Variants in CFAP299 observed in about 807,000 individuals in gnomAD.
CFAP299 encodes the protein cilia- and flagella-associated protein 299.
A neutral mutation model predicts 27.0 loss-of-function variants in CFAP299; 21 were observed. That is an observed-to-expected ratio of 0.78 (90% CI 0.55 to 1.12). The LOEUF (loss-of-function observed/expected upper bound fraction) is 1.12, where lower values mean the gene tolerates loss of function less well. Ranked by LOEUF, CFAP299 falls within the 50% of genes most tolerant of loss-of-function variation. The pLI, the probability that CFAP299 is intolerant of heterozygous loss-of-function variation, is 0.00. For synonymous variants in CFAP299, 104 were observed against 98.1 expected (o/e 1.06, Z -0.36); for missense variants, 310 against 276.6 (o/e 1.12, Z -0.86).
At position 80,785,140 on chromosome 4, in the gene CFAP299, GTT is replaced by G. The variant is rs34318898; in HGVS notation, c.334-84840_334-84839del. ...CAATGTCAAGGAGCTCTTCCTCTAT[GTT>G]TTTTTTTTTTTTAGGAGTTTTATGG... On this transcript the variant is annotated intron_variant, in intron 3 of 5. Coordinates refer to ENST00000358105, the MANE Select transcript of CFAP299 (RefSeq NM_152770.3). Among the ~76,000 whole-genome samples, 1,028 of 133,818 alleles carry G rather than the reference GTT, an allele frequency of 7.7e-3. 3 individuals carry two copies. Among genetic ancestry groups the G allele is most frequent in the Middle Eastern group, 0.012 (3 of 256 alleles). 87.8% of individuals were successfully genotyped at this position (133,818 alleles called of 152,430 possible).
chr4:80,866,095 A>ATATATATATATATC (rs1243634550), intron 3 of CFAP299, among the ~76,000 whole-genome samples: 1 of 126,492 alleles, frequency 7.9e-6, no homozygotes, highest in Non-Finnish European at 1.7e-5. Flanking sequence ...ATATATATAT[A>ATATATATATATATC]TCTTCCCAAA....
At chr4:80,700,777 T>C (rs1440805527) in intron 3 of CFAP299, among the ~76,000 whole-genome samples, 1 of 152,020 alleles carries the variant, frequency 6.6e-6, no homozygotes, top group Non-Finnish European at 1.5e-5. Flanking sequence ...TTAAAAATAA[T>C]TTTTAAAAAT....
At chr4:80,656,419 CT>C (rs1740558140) in intron 3 of CFAP299, among the ~76,000 whole-genome samples, 1 of 152,040 alleles carries the variant, frequency 6.6e-6, no homozygotes, top group Non-Finnish European at 1.5e-5. Context: ...TGTTCCCCTC[CT>C]TGTGTCCGTG....
At chr4:80,889,962 A>C (rs189353322) in intron 4 of CFAP299, among the ~76,000 whole-genome samples, 47 of 152,278 alleles carry the variant, frequency 3.1e-4, no homozygotes, top group African/African-American at 1.1e-3. Context: ...CTAGGAATAG[A>C]ATGAACATAC....
chr4:80,629,872 A>G (rs1249376325), intron 3 of CFAP299, among the ~76,000 whole-genome samples: 3 of 81,336 alleles, frequency 3.7e-5, no homozygotes, highest in South Asian at 3.5e-4. Flanking sequence ...CTGTATCTGG[A>G]AAAAAAAAAA....
intron 2 of CFAP299, among the ~76,000 whole-genome samples, chr4:80,439,421 C>T (rs148750507): frequency 5.3e-5 from 8 of 152,318 alleles, no homozygotes; most frequent in Middle Eastern, 3.4e-3. Context: ...GGTAGGGCGT[C>T]ACCTCACCCG....
chr4:80,506,574 T>A (rs947181898), intron 2 of CFAP299, among the ~76,000 whole-genome samples: 10 of 152,322 alleles, frequency 6.6e-5, no homozygotes, highest in Admixed American at 2.0e-4. Context: ...TCTGTCATTT[T>A]AATTAGTTGT....
At chr4:80,642,558 GA>G (rs1169904870) in intron 3 of CFAP299, among the ~76,000 whole-genome samples, 1 of 152,136 alleles carries the variant, frequency 6.6e-6, no homozygotes, top group Non-Finnish European at 1.5e-5. Context: ...GAGGTCAAGA[GA>G]TTGAGACAAT....
intron 4 of CFAP299, among the ~76,000 whole-genome samples, chr4:80,885,427 T>A (rs1578211899): frequency 1.3e-5 from 2 of 152,216 alleles, no homozygotes; most frequent in East Asian, 3.9e-4. Context: ...CCTATCCTAA[T>A]CCTGGGCAGT....
At chr4:80,817,701 A>G (rs1450897333) in intron 3 of CFAP299, among the ~76,000 whole-genome samples, 1 of 151,310 alleles carries the variant, frequency 6.6e-6, no homozygotes, top group African/African-American at 2.4e-5. Context: ...GTTCAAAAGC[A>G]TTTTTGTATG....
At position 80,901,729 on chromosome 4, in the gene CFAP299, A is replaced by T. The variant is rs1403883237; in HGVS notation, c.476+31594A>T. On this transcript the variant is annotated intron_variant, in intron 4 of 5. Coordinates refer to ENST00000358105, the MANE Select transcript of CFAP299 (RefSeq NM_152770.3). ...CCTTTGGCCCCAATCACTGCCAGCA[A>T]TTGGTTCAATCACTTCATTTCTTTC... 1.3e-5 allele frequency among the ~76,000 whole-genome samples: 2 copies of T among 152,100 alleles called. 1 individual carries two copies. Among genetic ancestry groups the T allele is most frequent in the Non-Finnish European group, 2.9e-5 (2 of 68,010 alleles).
intron 3 of CFAP299, among the ~76,000 whole-genome samples, chr4:80,834,080 G>A (rs1262540597): frequency 1.3e-5 from 2 of 152,316 alleles, no homozygotes; most frequent in Middle Eastern, 3.4e-3. Flanking sequence ...ATATGAAGAA[G>A]CATAGTGTTC....
At chr4:80,824,551 C>A (rs1729881440) in intron 3 of CFAP299, among the ~76,000 whole-genome samples, 1 of 152,102 alleles carries the variant, frequency 6.6e-6, no homozygotes, top group South Asian at 2.1e-4. Context: ...ACTCTCCCTT[C>A]ATTTTTATTT....
At chr4:80,457,853 G>A (rs534767298) in intron 2 of CFAP299, among the ~76,000 whole-genome samples, 51 of 152,098 alleles carry the variant, frequency 3.4e-4, no homozygotes, top group South Asian at 3.3e-3. Context: ...ATGTTTTGCC[G>A]GGCTTGTAGC....
chr4:80,948,720 A>G (rs1352228849), intron 5 of CFAP299, among the ~76,000 whole-genome samples: 3 of 151,990 alleles, frequency 2.0e-5, no homozygotes, highest in African/African-American at 7.2e-5. Flanking sequence ...AGCTATTCTC[A>G]CTTCCCATTT....
At chr4:80,611,739 C>T (rs1225466318) in intron 3 of CFAP299, among the ~76,000 whole-genome samples, 1 of 152,042 alleles carries the variant, frequency 6.6e-6, no homozygotes, top group East Asian at 1.9e-4. Context: ...GGATTCGGCT[C>T]TTAACTCCCT....
chr4:80,327,101 A>T, the CFAP299 span, among the ~76,000 whole-genome samples: 1 of 152,124 alleles, frequency 6.6e-6, no homozygotes, highest in African/African-American at 2.4e-5. Context: ...GACTAGTATG[A>T]CGCAGTGGAT....
chr4:80,567,915 G>A (rs1735390078), intron 2 of CFAP299, among the ~76,000 whole-genome samples: 1 of 151,492 alleles, frequency 6.6e-6, no homozygotes, highest in African/African-American at 2.4e-5. Flanking sequence ...CTAATACAAT[G>A]TATATTTGAA....
At chr4:80,688,230 G>C (rs1720366662) in intron 3 of CFAP299, among the ~76,000 whole-genome samples, 2 of 152,326 alleles carry the variant, frequency 1.3e-5, no homozygotes, top group South Asian at 4.1e-4. Flanking sequence ...CTCCACCTCT[G>C]GGGGCAGGGC....
Sources: allele counts gnomAD v4.1 joint callset (sites outside exome capture counted in the v4.1 genomes callset), GRCh38; gene constraint gnomAD v4.1.1; transcripts MANE v1.5; gene names NCBI Gene and HGNC (gene_info 2026-07-23, HGNC 2026-07-21).